CERS6: variants seen among roughly 807,000 people sequenced by gnomAD.
The protein encoded by CERS6 is ceramide synthase 6.
A neutral mutation model predicts 56.8 loss-of-function variants in CERS6; 26 were observed. That is an observed-to-expected ratio of 0.46 (90% CI 0.34 to 0.63). The LOEUF (loss-of-function observed/expected upper bound fraction) is 0.63, where lower values mean the gene tolerates loss of function less well. CERS6 is among the 30% of genes least tolerant of loss of function. The pLI is 0.01. For missense variants in CERS6, 415 were observed against 467.5 expected (o/e 0.89, Z 1.04); for synonymous variants, 164 against 173.3 (o/e 0.95, Z 0.42).
intron 7 of CERS6, among the ~76,000 whole-genome samples, chr2:168,716,732 C>T (rs930171456): frequency 6.6e-6 from 1 of 152,020 alleles, no homozygotes; most frequent in Non-Finnish European, 1.5e-5. Context: ...TAGAAGGTAC[C>T]TTTTAACATA....
At chr2:168,469,607 T>A (rs139216276) in intron 1 of CERS6, among the ~76,000 whole-genome samples, 2 of 152,280 alleles carry the variant, frequency 1.3e-5, no homozygotes, top group East Asian at 3.9e-4. Context: ...GTGGGAGTGA[T>A]CTGCTTTGGG....
Position 168,773,836 on chromosome 2 carries a change from CTG to C in CERS6, c.*4177_*4178del, listed in dbSNP as rs1684927162. On this transcript the variant is annotated 3_prime_UTR_variant, in exon 10 of 10. Transcript: ENST00000305747. Reference sequence around the variant, plus strand: ...CATAATAATAGGCCACAAAAGGGCTCTGTGGTTTGCCTCCATGTGCACTGGCC... The same window carrying C: ...CATAATAATAGGCCACAAAAGGGCTCTGGTTTGCCTCCATGTGCACTGGCC... 1 of 152,234 alleles carries C rather than the reference CTG, an allele frequency of 6.6e-6. No homozygotes were observed. Among genetic ancestry groups the C allele is most frequent in the Non-Finnish European group, 1.5e-5 (1 of 68,090 alleles). 9.4% of individuals were successfully genotyped at this position (152,234 alleles called of 1,614,324 possible).
chr2:168,473,684 A>G (rs1362940798), intron 1 of CERS6, among the ~76,000 whole-genome samples: 1 of 152,198 alleles, frequency 6.6e-6, no homozygotes, highest in East Asian at 1.9e-4. Flanking sequence ...AAAAATTACT[A>G]ATGATATGTC....
At chr2:168,672,258 G>T (rs932564056) in intron 4 of CERS6, among the ~76,000 whole-genome samples, 1 of 152,218 alleles carries the variant, frequency 6.6e-6, no homozygotes, top group Non-Finnish European at 1.5e-5. Flanking sequence ...AACATTGCCA[G>T]TTTCTAGTAC....
Position 168,579,272 on chromosome 2 carries a change from TG to T in CERS6, c.407+17957del, listed in dbSNP as rs570307260. On this transcript the variant is annotated intron_variant, in intron 3 of 9. Coordinates refer to ENST00000305747, the MANE Select transcript of CERS6 (RefSeq NM_203463.3). ...GTGATTGTCAAGGAGCCCGTGGAGT[TG>T]GGGGGGCACTGGAGAGCAGCCCTCA... 4.6e-5 allele frequency among the ~76,000 whole-genome samples: 7 copies of T among 152,206 alleles called. No homozygotes were observed. In the East Asian group the frequency reaches 1.3e-3, roughly 29 times the overall value.
intron 6 of CERS6, among the ~76,000 whole-genome samples, chr2:168,712,171 G>C (rs983177178): frequency 6.6e-6 from 1 of 152,168 alleles, no homozygotes; most frequent in African/African-American, 2.4e-5. Context: ...GACACCACTA[G>C]GGGCCTCCTC....
At chr2:168,645,115 AAATATATAT>A (rs1685150666) in intron 4 of CERS6, among the ~76,000 whole-genome samples, 1 of 41,844 alleles carries the variant, frequency 2.4e-5, no homozygotes, top group African/African-American at 8.5e-5. Flanking sequence ...AAAAAAAAAA[AAATATATAT>A]ATATATATAT....
At chr2:168,709,830 T>C (rs781008885) in intron 6 of CERS6, among the ~76,000 whole-genome samples, 2 of 152,198 alleles carry the variant, frequency 1.3e-5, no homozygotes, top group Non-Finnish European at 2.9e-5. Flanking sequence ...GCAATTTGTT[T>C]AAAAATGGTT....
intron 4 of CERS6, among the ~76,000 whole-genome samples, chr2:168,640,979 T>C (rs1196158966): frequency 1.3e-5 from 2 of 151,944 alleles, no homozygotes; most frequent in African/African-American, 2.4e-5. Context: ...CTGAGTGGAG[T>C]TGGGAACTAA....
chr2:168,496,968 A>G (rs529652124), intron 1 of CERS6, among the ~76,000 whole-genome samples: 1 of 152,352 alleles, frequency 6.6e-6, no homozygotes, highest in South Asian at 2.1e-4. Flanking sequence ...AAATAATGCC[A>G]TCAATATACC....
At chr2:168,485,623 T>C (rs778708891) in intron 1 of CERS6, among the ~76,000 whole-genome samples, 1 of 152,194 alleles carries the variant, frequency 6.6e-6, no homozygotes, top group Non-Finnish European at 1.5e-5. Context: ...CAGATTTCCT[T>C]CTTTCACTTT....
chr2:168,473,151 A>G (rs1018431599), intron 1 of CERS6, among the ~76,000 whole-genome samples: 4 of 151,828 alleles, frequency 2.6e-5, no homozygotes, highest in Non-Finnish European at 2.9e-5. Context: ...TCTGCCTTTC[A>G]TGTCTATCAT....
At chr2:168,556,279 T>C (rs1695677696) in intron 2 of CERS6, among the ~76,000 whole-genome samples, 1 of 152,136 alleles carries the variant, frequency 6.6e-6, no homozygotes, top group Non-Finnish European at 1.5e-5. Context: ...AATAAAAAAT[T>C]AGTGAACTGA....
At chr2:168,517,311 G>A (rs1281353517) in intron 1 of CERS6, among the ~76,000 whole-genome samples, 2 of 151,662 alleles carry the variant, frequency 1.3e-5, no homozygotes, top group Admixed American at 1.3e-4. Flanking sequence ...GGACAACATG[G>A]AGAAACCCCA....
chr2:168,699,243 T>C (rs1421441398), intron 6 of CERS6, among the ~76,000 whole-genome samples: 5 of 152,174 alleles, frequency 3.3e-5, no homozygotes, highest in Non-Finnish European at 7.3e-5. Flanking sequence ...ACCTTCTGTA[T>C]TGGAACTATT....
At chr2:168,490,073 A>G (rs1447854083) in intron 1 of CERS6, among the ~76,000 whole-genome samples, 4 of 152,158 alleles carry the variant, frequency 2.6e-5, no homozygotes, top group African/African-American at 9.7e-5. Flanking sequence ...CAGGTTTCAA[A>G]GCCTTTGTGA....
intron 9 of CERS6, among the ~76,000 whole-genome samples, chr2:168,767,064 A>T (rs144581169): frequency 3.6e-4 from 55 of 152,362 alleles, no homozygotes; most frequent in African/African-American, 1.3e-3. Context: ...TATGATAACA[A>T]TAACTAAATA....
chr2:168,613,669 A>G (rs1684240896), intron 3 of CERS6, among the ~76,000 whole-genome samples: 1 of 152,208 alleles, frequency 6.6e-6, no homozygotes, highest in Admixed American at 6.5e-5. Flanking sequence ...CACTGTTGCT[A>G]CAGTGTTTCC....
At chr2:168,734,781 A>G (rs900456666) in intron 8 of CERS6, among the ~76,000 whole-genome samples, 3 of 152,340 alleles carry the variant, frequency 2.0e-5, no homozygotes, top group South Asian at 2.1e-4. Flanking sequence ...TGCTCTATCT[A>G]TATGCATCTG....
Sources: gnomAD v4.1 joint callset for allele counts (sites outside exome capture counted in the v4.1 genomes callset) on GRCh38, gnomAD v4.1.1 for gene constraint, MANE v1.5 for transcripts, NCBI Gene and HGNC (gene_info 2026-07-23, HGNC 2026-07-21) for gene names.